The following GCFC2 variants were observed in gnomAD, a reference collection of about 807,000 sequenced individuals.
GCFC2 encodes the protein intron Large complex component GCFC2.
In GCFC2, 102 loss-of-function variants were observed where a neutral mutation model predicts 99.4. The ratio of observed to expected loss-of-function variants is 1.03; its 90% confidence interval spans 0.87 to 1.21. The LOEUF is 1.21. Ranked by LOEUF, GCFC2 falls within the 50% of genes most tolerant of loss-of-function variation. The pLI, the probability that GCFC2 is intolerant of heterozygous loss-of-function variation, is 0.00. For synonymous variants in GCFC2, 338 were observed against 316.8 expected, an observed-to-expected ratio of 1.07 and a Z score of -0.71; for missense variants, 973 against 920.9, an observed-to-expected ratio of 1.06 and a Z score of -0.73.
chr2:75,686,933 A>G (rs1679843504), intron 11 of GCFC2, among the ~76,000 whole-genome samples: 1 of 125,998 alleles, frequency 7.9e-6, no homozygotes. Flanking sequence ...AGTGAAATGA[A>G]GCAATTTTTT....
At chr2:75,666,845 G>A (rs1381365487) in intron 15 of GCFC2, among the ~76,000 whole-genome samples, 2 of 152,094 alleles carry the variant, frequency 1.3e-5, no homozygotes, top group Non-Finnish European at 2.9e-5. Flanking sequence ...GTCCGAAAAC[G>A]AGATGCAGAC....
chr2:75,664,132 C>T lies in GCFC2; in HGVS notation c.*534G>A, dbSNP rs1678725759. 1 of 152,182 alleles carries T rather than the reference C, an allele frequency of 6.6e-6. No individual in the cohort carries two copies. The highest frequency in any genetic ancestry group is 2.4e-5 in the African/African-American group (1 of 41,458). The allele number at this position is 152,182 out of a possible 1,614,324, so 9.4% of individuals were successfully genotyped here. On this transcript the variant is annotated 3_prime_UTR_variant, in exon 17 of 17. Transcript: ENST00000321027. ...ATAATAACTACTGCTGGTAGGGATTCATTGGCACTCACTTATGCTTATGTT... is the reference window on the plus strand; with the variant it reads ...ATAATAACTACTGCTGGTAGGGATTTATTGGCACTCACTTATGCTTATGTT...
At chr2:75,668,047 T>A (rs1165819579) in intron 15 of GCFC2, among the ~76,000 whole-genome samples, 2 of 152,130 alleles carry the variant, frequency 1.3e-5, no homozygotes, top group Admixed American at 1.3e-4. Flanking sequence ...AGTTAAACAT[T>A]AAAGAGCTAG....
intron 12 of GCFC2, among the ~76,000 whole-genome samples, chr2:75,677,871 G>C (rs1039533836): frequency 1.1e-4 from 16 of 152,062 alleles, no homozygotes; most frequent in African/African-American, 2.7e-4. Context: ...CCAGCTACTC[G>C]GGAGGCTGAG....
Position 75,701,269 on chromosome 2 carries a change from G to A in GCFC2, c.638C>T (p.Thr213Ile), listed in dbSNP as rs1308078804. Residue 213 changes from threonine to isoleucine, a missense_variant, in exon 4 of 17, where the codon ACA becomes ATA. Thr to Ile is a moderately conservative substitution (Grantham distance 89, BLOSUM62 -1). Coordinates refer to ENST00000321027, the MANE Select transcript of GCFC2 (RefSeq NM_003203.5). ...TTCATCTTCCTGACTTTCTTCACTT[G>A]TTTCTTCATTTCTGCTTACTAGCGG... ...AEESISRNEE[T>I]SEESQEDEKQ... 2 of 1,603,206 alleles carry A rather than the reference G, an allele frequency of 1.2e-6. No individual in the cohort carries two copies. The highest frequency in any genetic ancestry group is 1.7e-6 in the Non-Finnish European group (2 of 1,170,418).
chr2:75,710,440 C>A lies in GCFC2; in HGVS notation c.265+151G>T, dbSNP rs1681095211. 3 of 1,369,438 alleles carry A rather than the reference C, an allele frequency of 2.2e-6. No individual in the cohort carries two copies. In the East Asian group the frequency reaches 9.2e-5, roughly 42 times the overall value. 84.8% of individuals were successfully genotyped at this position (1,369,438 alleles called of 1,614,324 possible). On this transcript the variant is annotated intron_variant, in intron 1 of 16. Transcript: ENST00000321027. Reference sequence around the variant, plus strand: ...AGTGCTCGAGCTATTTTCTCGCTCACTACCTTCTGGATAAGTCTTTCTGGA... The same window carrying A: ...AGTGCTCGAGCTATTTTCTCGCTCAATACCTTCTGGATAAGTCTTTCTGGA...
chr2:75,673,140 C>T (rs932265274), intron 13 of GCFC2, among the ~76,000 whole-genome samples: 16 of 152,128 alleles, frequency 1.1e-4, no homozygotes, highest in Admixed American at 3.3e-4. Flanking sequence ...GAAACCCCAT[C>T]TCTACTAAAT....
chr2:75,670,193 A>G lies in GCFC2; in HGVS notation c.2048T>C (p.Ile683Thr), dbSNP rs760116513. ...AGGTGTGGCATTGAGAAGTGCTATA[A>G]TAAGGTAACGATTTAGCAGCTTCCC... Reference protein sequence around the residue: ...GLGKLLNRYLIIALLNATPGP... With the variant: ...GLGKLLNRYLTIALLNATPGP... The change falls in exon 15 of 17, where the codon ATT becomes ACT. Residue 683 changes from isoleucine to threonine, a missense_variant. Coordinates refer to ENST00000321027, the MANE Select transcript of GCFC2 (RefSeq NM_003203.5). The G allele has an allele frequency of 3.0e-5, 48 of 1,607,320 alleles. No individual in the cohort carries two copies. Among genetic ancestry groups the G allele is most frequent in the Non-Finnish European group, 4.0e-5 (47 of 1,173,784 alleles).
chr2:75,680,129 T>C (rs1679505904), intron 12 of GCFC2, 64 bp downstream of exon 12: 1 of 1,163,722 alleles, frequency 8.6e-7, no homozygotes, highest in African/African-American at 1.5e-5. Context: ...TAAACCAAGA[T>C]CTGTAAGAAA....
intron 11 of GCFC2, among the ~76,000 whole-genome samples, chr2:75,683,868 A>C (rs971108261): frequency 2.0e-5 from 3 of 152,054 alleles, no homozygotes; most frequent in African/African-American, 7.2e-5. Context: ...AGATCAAAAG[A>C]GACAAAGAAG....
intron 2 of GCFC2, 83 bp downstream of exon 2, chr2:75,706,440 G>C (rs961996727): frequency 9.1e-6 from 8 of 880,108 alleles, no homozygotes; most frequent in South Asian, 5.6e-5. Context: ...CATGTCACTA[G>C]AGTTTGTTAT....
At chr2:75,673,086 G>A (rs189815608) in intron 13 of GCFC2, among the ~76,000 whole-genome samples, 95 of 152,042 alleles carry the variant, frequency 6.2e-4, no homozygotes, top group African/African-American at 2.0e-3. Flanking sequence ...CAAGGCGGGC[G>A]GATCACAAGG....
chr2:75,710,872 CCCGGCGCCCT>C lies in GCFC2; in HGVS notation c.-27_-18del. 2 of 1,536,086 alleles carry C rather than the reference CCCGGCGCCCT, an allele frequency of 1.3e-6. No homozygotes were observed. Among genetic ancestry groups the C allele is most frequent in the Non-Finnish European group, 8.7e-7 (1 of 1,148,068 alleles). On this transcript the variant is annotated 5_prime_UTR_variant, in exon 1 of 17. Coordinates refer to ENST00000321027, the MANE Select transcript of GCFC2 (RefSeq NM_003203.5). ...GTGAGCCATGGCCGAGGCCCGAGCG[CCCGGCGCCCT>C]AGAACCCGCTGAACCGCAAGCCGCA...
At chr2:75,687,795 A>G (rs1679884347) in intron 11 of GCFC2, 32 bp downstream of exon 11, 1 of 1,542,762 alleles carries the variant, frequency 6.5e-7, no homozygotes, top group African/African-American at 1.4e-5. Context: ...GTCAGAAAAT[A>G]ATTTAATTTT....
At chr2:75,690,148 A>G (rs1303543355) in intron 8 of GCFC2, 67 bp from the exon 9 acceptor site, 2 of 852,230 alleles carry the variant, frequency 2.3e-6, no homozygotes, top group Non-Finnish European at 3.9e-6. Context: ...AAATGCCTAA[A>G]TTTTTTTTAA....
intron 14 of GCFC2, 110 bp from the exon 15 acceptor site, chr2:75,670,394 C>T: frequency 1.5e-6 from 1 of 647,988 alleles, no homozygotes; most frequent in Non-Finnish European, 2.7e-6. Context: ...ACAATTAGCC[C>T]TGTTGGAACT....
intron 12 of GCFC2, among the ~76,000 whole-genome samples, chr2:75,675,741 CAAA>C (rs1206357027): frequency 1.4e-5 from 1 of 70,260 alleles, no homozygotes; most frequent in Admixed American, 1.5e-4. Context: ...AAGGTTCTGT[CAAA>C]AAAAAAAAAA....
In GCFC2 at chr2:75,702,258, T is replaced by C; in HGVS notation, c.560A>G (p.Lys187Arg). 5 of 1,613,064 alleles carry C rather than the reference T, an allele frequency of 3.1e-6. No individual in the cohort carries two copies. The highest frequency in any genetic ancestry group is 4.2e-6 in the Non-Finnish European group (5 of 1,178,980). Residue 187 changes from lysine (K) to arginine (R), a missense_variant, in exon 3 of 17, where the codon AAG becomes AGG. Physicochemically the swap from Lys to Arg is conservative, Grantham distance 26. Coordinates refer to ENST00000321027, the MANE Select transcript of GCFC2 (RefSeq NM_003203.5). ...AGGTCTTAGAGTAAATGGTATTCTC[T>C]TTTCATGGTCATCAGGCTCACTCTC... ...DPESEPDDHE[K>R]RIPFTLRPQT...
chr2:75,705,292 A>C (rs73939112), intron 2 of GCFC2, among the ~76,000 whole-genome samples: 3,538 of 152,256 alleles, frequency 0.023, 69 homozygotes, highest in African/African-American at 0.047. Context: ...TTACAAGGTT[A>C]CAGAGCTACT....
Sources: gnomAD v4.1 joint callset for allele counts (sites outside exome capture counted in the v4.1 genomes callset) on GRCh38, gnomAD v4.1.1 for gene constraint, MANE v1.5 for transcripts, NCBI Gene and HGNC (gene_info 2026-07-23, HGNC 2026-07-21) for gene names.